The following PLCZ1 variants were observed in gnomAD, a reference collection of about 807,000 sequenced individuals.
PLCZ1 encodes the protein phospholipase C zeta 1.
PLCZ1 carries 64 observed loss-of-function variants against 76.8 expected under a neutral mutation model. That is an observed-to-expected ratio of 0.83 (90% CI 0.68 to 1.03). The LOEUF is 1.03. Among genes scored for constraint, PLCZ1 ranks in the 50% least tolerant of loss-of-function variants. The probability of loss-of-function intolerance (pLI) is 0.00; values close to 1 mark genes in which losing one functional copy is unlikely to be tolerated. For missense variants in PLCZ1, 751 were observed against 713.7 expected (o/e 1.05, Z -0.60); for synonymous variants, 248 against 230.8 (o/e 1.07, Z -0.68).
At chr12:18,664,224 A>G in the PLCZ1 span, among the ~76,000 whole-genome samples, 5 of 152,218 alleles carry the variant, frequency 3.3e-5, no homozygotes, top group Non-Finnish European at 5.9e-5. Context: ...TGGTTCCTCA[A>G]AAACTTAAAC....
At chr12:18,683,085 T>G, downstream of PLCZ1, 1 of 701,056 alleles carries the variant, frequency 1.4e-6, no homozygotes, top group Non-Finnish European at 2.4e-6. Flanking sequence ...CTTCCACTGA[T>G]TTATTTTTGT....
chr12:18,678,265 T>C (rs1299375039), downstream of PLCZ1, among the ~76,000 whole-genome samples: 1 of 152,088 alleles, frequency 6.6e-6, no homozygotes, highest in African/African-American at 2.4e-5. Context: ...CTTTCATGCA[T>C]CATTTACACA....
chr12:18,696,004 A>T, intron 11 of PLCZ1, 146 bp downstream of exon 11: 1 of 540,638 alleles, frequency 1.8e-6, no homozygotes. Context: ...CTTACAACAC[A>T]TGACCCACCA....
the PLCZ1 span, among the ~76,000 whole-genome samples, chr12:18,660,178 G>T: frequency 1.3e-5 from 2 of 152,010 alleles, no homozygotes; most frequent in Non-Finnish European, 2.9e-5. Context: ...GTACATTTAG[G>T]TCAATTTCAG....
chr12:18,650,880 T>G, the PLCZ1 span, among the ~76,000 whole-genome samples: 1 of 151,240 alleles, frequency 6.6e-6, no homozygotes, highest in Admixed American at 6.6e-5. Context: ...ACTGCTATCA[T>G]CCTTGGCCTG....
chr12:18,710,952 C>G (rs1957233320), intron 6 of PLCZ1, among the ~76,000 whole-genome samples: 1 of 152,042 alleles, frequency 6.6e-6, no homozygotes, highest in Non-Finnish European at 1.5e-5. Context: ...TAAACTAGTT[C>G]AACCATTGTG....
At chr12:18,685,101 T>A (rs1315441700) in intron 13 of PLCZ1, among the ~76,000 whole-genome samples, 1 of 152,074 alleles carries the variant, frequency 6.6e-6, no homozygotes, top group Non-Finnish European at 1.5e-5. Flanking sequence ...GAAAATGGAC[T>A]AATACAGTCA....
the PLCZ1 span, among the ~76,000 whole-genome samples, chr12:18,673,706 C>A: frequency 1.3e-5 from 2 of 152,178 alleles, no homozygotes; most frequent in Non-Finnish European, 2.9e-5. Context: ...TCTCACAAGG[C>A]TACAAAGGGT....
intron 10 of PLCZ1, among the ~76,000 whole-genome samples, chr12:18,699,045 C>G (rs931792014): frequency 6.6e-6 from 1 of 152,106 alleles, no homozygotes; most frequent in African/African-American, 2.4e-5. Context: ...TTTCTATTCT[C>G]TTTCTCAGGC....
Position 18,701,701 on chromosome 12 carries a change from C to T in PLCZ1, c.940G>A (p.Asp314Asn). 3 of 1,610,784 alleles carry T rather than the reference C, an allele frequency of 1.9e-6. No individual in the cohort carries two copies. In the African/African-American group the frequency reaches 4.0e-5, roughly 22 times the overall value. The part of the protein sequence containing the change: ...LKETHERKGS[D>N]KRGDNQDKET... The stretch of plus-strand genomic sequence containing the variant: ...CATTCCTCCACCTTACCACGCTTAT[C>T]AGAACCTTTTCTTTCATGGGTTTCC... Residue 314 changes from aspartate to asparagine, a missense_variant, in exon 8 of 15, where the codon GAT (aspartate) becomes AAT (asparagine). Transcript: ENST00000266505.
intron 3 of PLCZ1, among the ~76,000 whole-genome samples, chr12:18,732,985 T>A (rs2150760609): frequency 6.6e-6 from 1 of 152,318 alleles, no homozygotes; most frequent in African/African-American, 2.4e-5. Flanking sequence ...GAAATGGGAT[T>A]GCTGGATTAT....
downstream of PLCZ1, among the ~76,000 whole-genome samples, chr12:18,678,995 A>G (rs138314147): frequency 2.1e-3 from 314 of 152,132 alleles, 3 homozygotes; most frequent in African/African-American, 7.3e-3. Context: ...CCACCTCAAC[A>G]TTTGGTGTGG....
rs71440372 is a variant in PLCZ1 at position 18,696,322 on chromosome 12, C to CTATATATATATA, written c.1175-68_1175-57dup. ...GAATTCAAATAAATTTAAAAAGCCA[C>CTATATATATATA]TATATATATATATATATATATATAT... On this transcript the variant is annotated intron_variant, in intron 10 of 14. Transcript: ENST00000266505. The CTATATATATATA allele has an allele frequency of 2.8e-3, 762 of 267,610 alleles. 62 individuals are homozygous for CTATATATATATA. Among genetic ancestry groups the CTATATATATATA allele is most frequent in the African/African-American group, 0.028 (449 of 16,308 alleles). The allele number at this position is 267,610 out of a possible 1,614,324, so 16.6% of individuals were successfully genotyped here.
rs543181047 is a variant in PLCZ1 at position 18,723,547 on chromosome 12, T to TA, written c.136-6dup. 427 of 1,606,870 alleles carry TA rather than the reference T, an allele frequency of 2.7e-4. 1 individual carries two copies. The highest frequency in any genetic ancestry group is 3.2e-4 in the Non-Finnish European group (377 of 1,175,102). On this transcript the variant is annotated splice_region_variant and splice_polypyrimidine_tract_variant and intron_variant, in intron 3 of 14. Transcript: ENST00000266505. ...TTGTTTCAGCCTGTCATTGTCCTACTAAAAAAATGACTGGTGGGCTCACAT... is the reference window on the plus strand; with the variant it reads ...TTGTTTCAGCCTGTCATTGTCCTACTAAAAAAAATGACTGGTGGGCTCACAT...
chr12:18,651,554 G>A, the PLCZ1 span, among the ~76,000 whole-genome samples: 1 of 152,144 alleles, frequency 6.6e-6, no homozygotes, highest in Admixed American at 6.6e-5. Context: ...AGAAGTTCTT[G>A]CCCTGGTGTC....
At chr12:18,673,889 G>A in the PLCZ1 span, among the ~76,000 whole-genome samples, 6 of 152,176 alleles carry the variant, frequency 3.9e-5, no homozygotes, top group Non-Finnish European at 5.9e-5. Context: ...CTTTCACATG[G>A]CAGCTTGCTT....
chr12:18,699,684 G>A (rs1722454623), intron 10 of PLCZ1, 110 bp downstream of exon 10: 1 of 1,202,206 alleles, frequency 8.3e-7, no homozygotes, highest in African/African-American at 1.5e-5. Flanking sequence ...TAAATGTGTT[G>A]AAATTTTATG....
intron 11 of PLCZ1, among the ~76,000 whole-genome samples, chr12:18,695,914 T>C (rs968848715): frequency 1.3e-5 from 2 of 151,942 alleles, no homozygotes; most frequent in East Asian, 3.9e-4. Flanking sequence ...TCATATTAAC[T>C]CCTCGTGAAT....
At chr12:18,702,818 CTTTTTT>C (rs71064022) in intron 7 of PLCZ1, among the ~76,000 whole-genome samples, 4 of 116,600 alleles carry the variant, frequency 3.4e-5, no homozygotes, top group Admixed American at 2.0e-4. Flanking sequence ...GATAAAGTAA[CTTTTTT>C]TTTTTTTTTT....
Sources: gnomAD v4.1 joint callset for allele counts (sites outside exome capture counted in the v4.1 genomes callset) on GRCh38, gnomAD v4.1.1 for gene constraint, MANE v1.5 for transcripts, NCBI Gene and HGNC (gene_info 2026-07-23, HGNC 2026-07-21) for gene names.